CCDC175: variants seen among roughly 807,000 people sequenced by gnomAD.
CCDC175 encodes coiled-coil domain-containing protein 175.
A neutral mutation model predicts 114.6 loss-of-function variants in CCDC175; 100 were observed. The observed-to-expected ratio is 0.87, with a 90% CI of 0.74 to 1.03. The LOEUF (loss-of-function observed/expected upper bound fraction) is 1.03. Ranked by LOEUF, CCDC175 falls within the 50% of genes least tolerant of loss-of-function variation. CCDC175 has a pLI of 0.00. For synonymous variants in CCDC175, 306 were observed against 308.7 expected (o/e 0.99, Z 0.09); for missense variants, 880 against 917.8 (o/e 0.96, Z 0.53).
At chr14:59,534,954 C>T (rs569721934) in intron 13 of CCDC175, among the ~76,000 whole-genome samples, 1 of 152,192 alleles carries the variant, frequency 6.6e-6, no homozygotes, top group South Asian at 2.1e-4. Flanking sequence ...TTTGCTTTTC[C>T]TCCGTGTGAC....
intron 7 of CCDC175, among the ~76,000 whole-genome samples, chr14:59,558,777 C>T (rs1452835550): frequency 1.3e-5 from 2 of 151,990 alleles, no homozygotes; most frequent in African/African-American, 4.8e-5. Flanking sequence ...GAGCTCAAGT[C>T]ATTGAGGTAA....
intron 7 of CCDC175, among the ~76,000 whole-genome samples, chr14:59,560,389 A>G (rs984864861): frequency 5.3e-5 from 8 of 152,180 alleles, no homozygotes; most frequent in African/African-American, 1.9e-4. Context: ...ATAAGACTCC[A>G]TCTTCTTGTG....
intron 2 of CCDC175, among the ~76,000 whole-genome samples, chr14:59,573,626 T>G (rs12100981): frequency 0.024 from 3,605 of 151,314 alleles, 125 homozygotes; most frequent in African/African-American, 0.073. Flanking sequence ...TTGTTTTTTT[T>G]TTTTTTGAGA....
chr14:59,514,245 A>G (rs1439103252), intron 17 of CCDC175, among the ~76,000 whole-genome samples: 2 of 152,238 alleles, frequency 1.3e-5, no homozygotes, highest in Non-Finnish European at 2.9e-5. Flanking sequence ...TGGAAATTCT[A>G]AAAATCAGAG....
intron 8 of CCDC175, among the ~76,000 whole-genome samples, chr14:59,550,036 G>T (rs1489789379): frequency 1.3e-5 from 2 of 151,990 alleles, no homozygotes; most frequent in Admixed American, 6.6e-5. Flanking sequence ...TCAGCCTCCT[G>T]AGCAGCTGGG....
In CCDC175 at chr14:59,527,140, G is replaced by A. The variant is rs372867826; in HGVS notation, c.1797C>T (p.His599=). The A allele has an allele frequency of 6.7e-6, 10 of 1,498,596 alleles. No homozygotes were observed. In the African/African-American group the frequency reaches 1.3e-4, roughly 19 times the overall value. The allele number at this position is 1,498,596 out of a possible 1,614,324, so 92.8% of individuals were successfully genotyped here. Residue 599 remains histidine (H), a synonymous_variant, in exon 15 of 20, where the codon CAC becomes CAT. Coordinates refer to ENST00000537690, the MANE Select transcript of CCDC175 (RefSeq NM_001164399.2). ...AAAAGTCCCTTGTAAACAGAAAAAT[G>A]TGATTGTTCAGTAAATCTTCCTCCT... ...QRQEEDLLNN[H]IFLFTRDFSR... is the part of the protein sequence containing the mutation.
At chr14:59,506,581 C>T (rs1034755428) in intron 19 of CCDC175, among the ~76,000 whole-genome samples, 3 of 152,152 alleles carry the variant, frequency 2.0e-5, no homozygotes, top group Non-Finnish European at 4.4e-5. Context: ...GGCCACCACA[C>T]CCAGCTGAGC....
intron 11 of CCDC175, among the ~76,000 whole-genome samples, chr14:59,540,394 G>A (rs577667238): frequency 9.2e-5 from 14 of 151,676 alleles, no homozygotes; most frequent in African/African-American, 3.4e-4. Context: ...GGTTCACAAA[G>A]AGGCCTGGAT....
chr14:59,516,546 T>C (rs554450135), intron 17 of CCDC175, among the ~76,000 whole-genome samples: 44 of 152,332 alleles, frequency 2.9e-4, no homozygotes, highest in African/African-American at 1.0e-3. Context: ...AACATCTCTA[T>C]GCAAATAAGC....
chr14:59,515,920 A>C (rs1422954027), intron 17 of CCDC175, among the ~76,000 whole-genome samples: 1 of 152,224 alleles, frequency 6.6e-6, no homozygotes, highest in African/African-American at 2.4e-5. Flanking sequence ...GTTGGAACTA[A>C]AGCACTCCTC....
chr14:59,565,870 A>G (rs1246906394), intron 4 of CCDC175, among the ~76,000 whole-genome samples: 1 of 152,134 alleles, frequency 6.6e-6, no homozygotes, highest in South Asian at 2.1e-4. Flanking sequence ...GTATACAATG[A>G]CTCAAAAGTA....
At chr14:59,540,048 G>A (rs1164080533) in intron 11 of CCDC175, among the ~76,000 whole-genome samples, 3 of 152,036 alleles carry the variant, frequency 2.0e-5, no homozygotes, top group South Asian at 2.1e-4. Context: ...TCCATCTTGG[G>A]CGACAGAGCA....
intron 13 of CCDC175, among the ~76,000 whole-genome samples, chr14:59,534,756 C>T (rs1030828290): frequency 2.0e-5 from 3 of 152,072 alleles, no homozygotes; most frequent in African/African-American, 4.8e-5. Flanking sequence ...ACGGAGGGTC[C>T]GGTATCAGAG....
chr14:59,530,943 C>A (rs1051524615), intron 14 of CCDC175, among the ~76,000 whole-genome samples: 1 of 151,924 alleles, frequency 6.6e-6, no homozygotes, highest in Non-Finnish European at 1.5e-5. Flanking sequence ...AAGACCTGGG[C>A]GGATTCCTTA....
At chr14:59,515,991 C>G (rs1453757770) in intron 17 of CCDC175, among the ~76,000 whole-genome samples, 2 of 152,192 alleles carry the variant, frequency 1.3e-5, no homozygotes, top group East Asian at 3.8e-4. Context: ...TGCAATCAAA[C>G]TAGAACTCAG....
chr14:59,541,473 T>C (rs533913628), intron 10 of CCDC175, among the ~76,000 whole-genome samples: 26 of 152,214 alleles, frequency 1.7e-4, no homozygotes, highest in Non-Finnish European at 3.5e-4. Context: ...TGCTGCTTTA[T>C]ATCTTTTGAA....
At chr14:59,523,059 T>A (rs1893514558) in intron 16 of CCDC175, among the ~76,000 whole-genome samples, 1 of 151,968 alleles carries the variant, frequency 6.6e-6, no homozygotes, top group Non-Finnish European at 1.5e-5. Flanking sequence ...ACACTGAATT[T>A]AAAAAAAACA....
chr14:59,508,082 G>T (rs1040123465), intron 19 of CCDC175, among the ~76,000 whole-genome samples: 8 of 152,050 alleles, frequency 5.3e-5, no homozygotes, highest in Non-Finnish European at 1.0e-4. Context: ...CAAGCCTGCT[G>T]TGAATCAAGC....
rs1470214564 is a variant in CCDC175, at chr14:59,525,203, CTTCTT to C, written c.1995+74_1995+78del. 1.6e-5 allele frequency: 18 copies of C among 1,110,120 alleles called. No homozygotes were observed. In the East Asian group the frequency reaches 2.7e-4, roughly 16 times the overall value. 68.8% of individuals were successfully genotyped at this position (1,110,120 alleles called of 1,614,324 possible). On this transcript the variant is annotated intron_variant, in intron 16 of 19. Coordinates refer to ENST00000537690, the MANE Select transcript of CCDC175 (RefSeq NM_001164399.2). ...TTAAACATTTTTCAAGAGCTATTCT[CTTCTT>C]TTCTCTTATAACTATTACAGGTCTA... is the stretch of plus-strand genomic sequence containing the variant.
Sources: allele counts gnomAD v4.1 joint callset (sites outside exome capture counted in the v4.1 genomes callset), GRCh38; gene constraint gnomAD v4.1.1; transcripts MANE v1.5; gene names NCBI Gene and HGNC (gene_info 2026-07-23, HGNC 2026-07-21).